TMEFF2: variants seen among roughly 807,000 people sequenced by gnomAD.
TMEFF2 encodes transmembrane protein with EGF like and two follistatin like domains 2.
In TMEFF2, 28 loss-of-function variants were observed where a neutral mutation model predicts 53.8. The ratio of observed to expected loss-of-function variants is 0.52; its 90% CI spans 0.39 to 0.71. The LOEUF (loss-of-function observed/expected upper bound fraction) is 0.71. TMEFF2 is among the 30% of genes least tolerant of loss of function. The probability of loss-of-function intolerance (pLI) is 0.00; values close to 1 mark genes in which losing one functional copy is unlikely to be tolerated. For missense variants in TMEFF2, 353 were observed against 455.2 expected, an observed-to-expected ratio of 0.78 and a Z score of 2.04; for synonymous variants, 162 against 166.3, an observed-to-expected ratio of 0.97 and a Z score of 0.20.
chr2:192,132,022 C>A (rs571120395), intron 4 of TMEFF2, among the ~76,000 whole-genome samples: 1 of 151,758 alleles, frequency 6.6e-6, no homozygotes. Flanking sequence ...CTTTCCCTCC[C>A]GCCTGTCCCC....
chr2:191,993,432 C>T (rs948900643), intron 7 of TMEFF2, among the ~76,000 whole-genome samples: 14 of 152,094 alleles, frequency 9.2e-5, no homozygotes, highest in Admixed American at 2.0e-4. Context: ...AGGAACTCGA[C>T]GCAGGCCTGT....
intron 2 of TMEFF2, among the ~76,000 whole-genome samples, chr2:192,189,179 A>C (rs988775540): frequency 6.6e-6 from 1 of 152,166 alleles, no homozygotes; most frequent in Non-Finnish European, 1.5e-5. Context: ...GTGATAAGGC[A>C]AATTGAAAAC....
At chr2:192,079,175 G>T (rs1041254169) in intron 4 of TMEFF2, among the ~76,000 whole-genome samples, 6 of 151,788 alleles carry the variant, frequency 4.0e-5, no homozygotes, top group Non-Finnish European at 5.9e-5. Context: ...GAGGGCTTTA[G>T]GGTCAGCCCA....
chr2:192,001,613 C>G (rs563092993), intron 5 of TMEFF2, among the ~76,000 whole-genome samples: 1 of 152,060 alleles, frequency 6.6e-6, no homozygotes, highest in East Asian at 1.9e-4. Flanking sequence ...GTTGTGGGAG[C>G]GACCTGGTGG....
intron 7 of TMEFF2, among the ~76,000 whole-genome samples, chr2:191,996,539 C>T (rs934368261): frequency 1.3e-5 from 2 of 151,674 alleles, no homozygotes; most frequent in African/African-American, 4.8e-5. Context: ...TAGCCTCAGA[C>T]TTTTATTTTT....
intron 7 of TMEFF2, among the ~76,000 whole-genome samples, chr2:191,985,129 A>G (rs1429691109): frequency 1.3e-5 from 2 of 152,112 alleles, no homozygotes; most frequent in African/African-American, 4.8e-5. Flanking sequence ...ATCTTTGTCA[A>G]TAATAATCTC....
At chr2:192,094,865 T>C (rs574254632) in intron 4 of TMEFF2, among the ~76,000 whole-genome samples, 1 of 152,356 alleles carries the variant, frequency 6.6e-6, no homozygotes, top group African/African-American at 2.4e-5. Context: ...CAATAATAAC[T>C]GTAAAATAAT....
In TMEFF2 at chr2:192,125,158, T is replaced by G. The variant is rs144131733; in HGVS notation, c.439+54510A>C. Among the ~76,000 whole-genome samples the G allele has an allele frequency of 3.2e-3, 485 of 152,330 alleles. 5 individuals are homozygous for G. The highest frequency in any genetic ancestry group is 0.022 in the Admixed American group (341 of 15,288). ...ATTTTTAAAAGTTTTCTCAGCTGGA[T>G]GGGAAGACATTTGGAATCCAGTGTG... On this transcript the variant is annotated intron_variant, in intron 4 of 9. Coordinates refer to ENST00000272771, the MANE Select transcript of TMEFF2 (RefSeq NM_016192.4).
intron 5 of TMEFF2, among the ~76,000 whole-genome samples, chr2:192,026,726 T>G (rs1686979172): frequency 6.6e-6 from 1 of 152,218 alleles, no homozygotes; most frequent in Non-Finnish European, 1.5e-5. Flanking sequence ...TTAGCTTCTG[T>G]CATTATAAAA....
At chr2:191,985,234 A>G (rs1186641914) in intron 7 of TMEFF2, among the ~76,000 whole-genome samples, 2 of 152,156 alleles carry the variant, frequency 1.3e-5, no homozygotes, top group African/African-American at 4.8e-5. Context: ...AATATTTTAC[A>G]GATTCTCAGA....
intron 5 of TMEFF2, among the ~76,000 whole-genome samples, chr2:192,055,758 G>C (rs1488916473): frequency 8.8e-6 from 1 of 113,792 alleles, no homozygotes. Flanking sequence ...CTGGGCGACA[G>C]AGTGAGACTC....
intron 4 of TMEFF2, among the ~76,000 whole-genome samples, chr2:192,086,378 C>T (rs1334978891): frequency 1.3e-5 from 2 of 152,068 alleles, no homozygotes; most frequent in Non-Finnish European, 2.9e-5. Flanking sequence ...AAATAATATC[C>T]TTCTGACAAG....
intron 4 of TMEFF2, among the ~76,000 whole-genome samples, chr2:192,160,462 GA>G (rs1248351518): frequency 7.9e-5 from 12 of 151,978 alleles, no homozygotes; most frequent in African/African-American, 2.7e-4. Context: ...CTGCCTGGGA[GA>G]AAAAAAGATA....
intron 4 of TMEFF2, among the ~76,000 whole-genome samples, chr2:192,139,557 A>C (rs1690089880): frequency 6.6e-6 from 1 of 152,208 alleles, no homozygotes; most frequent in African/African-American, 2.4e-5. Context: ...TAAATCCCAC[A>C]AGATCAGAGA....
At chr2:192,058,354 T>C (rs1418102377) in intron 4 of TMEFF2, among the ~76,000 whole-genome samples, 12 of 152,202 alleles carry the variant, frequency 7.9e-5, no homozygotes, top group Non-Finnish European at 1.5e-5. Context: ...TGTCATTTAC[T>C]GAATCTTACA....
At chr2:192,000,144 G>A (rs1686321197) in intron 5 of TMEFF2, among the ~76,000 whole-genome samples, 1 of 151,908 alleles carries the variant, frequency 6.6e-6, no homozygotes. Context: ...GTTTTCTGGT[G>A]TATGTGTACA....
chr2:192,061,472 G>A (rs965104293), intron 4 of TMEFF2, among the ~76,000 whole-genome samples: 8 of 152,198 alleles, frequency 5.3e-5, no homozygotes, highest in African/African-American at 1.9e-4. Flanking sequence ...ATCTAGAGAT[G>A]ATTTAAATTA....
intron 4 of TMEFF2, among the ~76,000 whole-genome samples, chr2:192,093,283 T>G (rs1356370432): frequency 6.6e-6 from 1 of 152,170 alleles, no homozygotes; most frequent in East Asian, 1.9e-4. Flanking sequence ...AACAAGGAGA[T>G]AGTGATGTTT....
chr2:192,123,641 G>A (rs531411191), intron 4 of TMEFF2, among the ~76,000 whole-genome samples: 5 of 152,158 alleles, frequency 3.3e-5, no homozygotes, highest in Non-Finnish European at 5.9e-5. Flanking sequence ...ACCCAACATC[G>A]GAATCCTTAA....
Sources: allele counts gnomAD v4.1 joint callset (sites outside exome capture counted in the v4.1 genomes callset), GRCh38; gene constraint gnomAD v4.1.1; transcripts MANE v1.5; gene names NCBI Gene and HGNC (gene_info 2026-07-23, HGNC 2026-07-21).